Variants in MYO7A observed in about 807,000 individuals in gnomAD.
MYO7A encodes the protein unconventional myosin-VIIa.
In MYO7A, 210 loss-of-function variants were observed where a neutral mutation model predicts 263.8. That is an observed-to-expected ratio of 0.80 (90% CI 0.71 to 0.89). The LOEUF is 0.89. Ranked by LOEUF, MYO7A falls within the 40% of genes least tolerant of loss-of-function variation. MYO7A has a pLI of 0.00. For synonymous variants in MYO7A, 1,239 were observed against 1,197.3 expected, an observed-to-expected ratio of 1.03 and a Z score of -0.72; for missense variants, 2,820 against 2,968.3, an observed-to-expected ratio of 0.95 and a Z score of 1.16.
rs780580258 is a variant in MYO7A, at chr11:77,214,949, C to A, written c.*253C>A. 1 of 477,126 alleles carries A rather than the reference C, an allele frequency of 2.1e-6. No individual in the cohort carries two copies. Among genetic ancestry groups the A allele is most frequent in the Non-Finnish European group, 3.8e-6 (1 of 264,880 alleles). 29.6% of individuals were successfully genotyped at this position (477,126 alleles called of 1,614,324 possible). On this transcript the variant is annotated 3_prime_UTR_variant, in exon 49 of 49. Transcript: ENST00000409709. ...TAATCCTAGTTTGCTGTGGCCTTCC[C>A]GGTTGTGAGAGCCTGTGATCCTTAG...
intron 16 of MYO7A, among the ~76,000 whole-genome samples, chr11:77,173,490 G>A (rs185759123): frequency 7.2e-5 from 11 of 152,348 alleles, no homozygotes; most frequent in Admixed American, 2.0e-4. Flanking sequence ...CAAACAGCCC[G>A]TGAGAAAGGG....
Position 77,204,235 on chromosome 11 carries a change from C to T in MYO7A, c.5480+6C>T. 6.4e-7 allele frequency: 1 copy of T among 1,566,984 alleles called. No individual in the cohort carries two copies. Among genetic ancestry groups the T allele is most frequent in the Non-Finnish European group, 8.6e-7 (1 of 1,156,178 alleles). ...CTGACCGACAACCACATCAGGTGAG[C>T]CAGGCACAGTGGGCGGATGAGGGGC... On this transcript the variant is annotated splice_donor_region_variant and intron_variant, in intron 39 of 48. Transcript: ENST00000409709.
chr11:77,199,400 C>T (rs1158271514), intron 34 of MYO7A, 135 bp from the exon 35 acceptor site: 1 of 883,504 alleles, frequency 1.1e-6, no homozygotes, highest in Non-Finnish European at 1.6e-6. Context: ...TAGGCCGGGC[C>T]ACTGTGGGTC....
chr11:77,199,499 G>C, intron 34 of MYO7A, 36 bp from the exon 35 acceptor site: 1 of 1,457,560 alleles, frequency 6.9e-7, no homozygotes, highest in Non-Finnish European at 9.1e-7. Flanking sequence ...CACTGGTTGG[G>C]GCATGACTGA....
chr11:77,195,790 T>G (rs190419630), intron 32 of MYO7A, among the ~76,000 whole-genome samples: 2 of 152,264 alleles, frequency 1.3e-5, no homozygotes, highest in African/African-American at 2.4e-5. Context: ...TTGTTCATTT[T>G]CTAGGTCTGC....
Position 77,189,464 on chromosome 11 carries a change from T to G in MYO7A, c.3624T>G (p.Phe1208Leu). Residue 1208 changes from phenylalanine to leucine, a missense_variant, in exon 28 of 49, where the codon TTT (phenylalanine) becomes TTG (leucine). Physicochemically the swap from Phe to Leu is conservative, Grantham distance 22. Transcript: ENST00000409709. The stretch of plus-strand genomic sequence containing the variant: ...GCTGTTTCGCCCCCTCCGAGAAGTT[T>G]GTCAAGGTAGGAAGGTGCCTGGCCT... ...CVGCFAPSEK[F>L]VKYLRNFIHG... 6.2e-7 allele frequency: 1 copy of G among 1,613,558 alleles called. No individual in the cohort carries two copies. Among genetic ancestry groups the G allele is most frequent in the African/African-American group, 1.3e-5 (1 of 74,908 alleles).
chr11:77,155,658 G>A (rs1555060962), intron 4 of MYO7A, among the ~76,000 whole-genome samples: 1 of 152,206 alleles, frequency 6.6e-6, no homozygotes, highest in Non-Finnish European at 1.5e-5. Context: ...GGAAATCTAG[G>A]CTTAGAGACT....
chr11:77,177,194 G>A (rs1443920101), intron 18 of MYO7A, among the ~76,000 whole-genome samples: 5 of 152,216 alleles, frequency 3.3e-5, no homozygotes, highest in Non-Finnish European at 7.3e-5. Context: ...CAACAGCCCA[G>A]CCCAGGTGAG....
chr11:77,187,948 G>A (rs147963771), intron 27 of MYO7A, among the ~76,000 whole-genome samples: 10 of 152,324 alleles, frequency 6.6e-5, no homozygotes, highest in Admixed American at 3.9e-4. Flanking sequence ...CCTCACCGGG[G>A]TGGCCACACT....
chr11:77,142,457 T>C, intron 2 of MYO7A: 1 of 543,702 alleles, frequency 1.8e-6, no homozygotes, highest in Non-Finnish European at 3.5e-6. Flanking sequence ...TGGCTCTCTC[T>C]GAGCCTCTGC....
At chr11:77,144,361 C>G (rs1171498101) in intron 3 of MYO7A, among the ~76,000 whole-genome samples, 1 of 152,156 alleles carries the variant, frequency 6.6e-6, no homozygotes, top group Non-Finnish European at 1.5e-5. Flanking sequence ...ACCAGGGACT[C>G]TGTCTGCAGG....
In MYO7A at chr11:77,199,456, G is replaced by A. The variant is rs1000715979; in HGVS notation, c.4569-79G>A. The stretch of plus-strand genomic sequence containing the variant: ...CTCTGGCCAGGCCAGCTCTGACTTA[G>A]CCTGAGATGTGTCTGAGCTGGGCCA... On this transcript the variant is annotated intron_variant, in intron 34 of 48. Coordinates refer to ENST00000409709, the MANE Select transcript of MYO7A (RefSeq NM_000260.4). 1.9e-5 allele frequency: 27 copies of A among 1,394,596 alleles called. No homozygotes were observed. The African/African-American group carries it at 2.6e-4, about 14-fold the overall frequency. 86.4% of individuals were successfully genotyped at this position (1,394,596 alleles called of 1,614,324 possible). A position where few individuals can be genotyped will look rare whatever the true frequency, so the allele number is the denominator to read the frequency against.
intron 2 of MYO7A, among the ~76,000 whole-genome samples, chr11:77,134,660 A>T (rs1950859489): frequency 6.6e-6 from 1 of 151,954 alleles, no homozygotes; most frequent in Admixed American, 6.6e-5. Context: ...TTATCTATGT[A>T]AGTGCCCTTA....
intron 18 of MYO7A, among the ~76,000 whole-genome samples, chr11:77,177,239 G>A (rs879954243): frequency 6.6e-6 from 1 of 152,180 alleles, no homozygotes; most frequent in East Asian, 1.9e-4. Flanking sequence ...GAAGCAGGGG[G>A]CTTGGGCAGA....
chr11:77,135,801 A>G (rs868966951), intron 2 of MYO7A, among the ~76,000 whole-genome samples: 1 of 151,978 alleles, frequency 6.6e-6, no homozygotes, highest in Non-Finnish European at 1.5e-5. Context: ...GTGGTATCTC[A>G]TTGTGGTTTT....
chr11:77,172,966 A>C, intron 16 of MYO7A, 81 bp downstream of exon 16: 2 of 1,472,512 alleles, frequency 1.4e-6, no homozygotes, highest in South Asian at 1.4e-5. Context: ...GTAGGGTGGG[A>C]GTGAAGGATG....
chr11:77,204,950 C>T (rs1364675434), intron 39 of MYO7A, among the ~76,000 whole-genome samples: 1 of 152,206 alleles, frequency 6.6e-6, no homozygotes, highest in Non-Finnish European at 1.5e-5. Flanking sequence ...CAAATGCCAC[C>T]TCCTCCTAGA....
intron 42 of MYO7A, 42 bp downstream of exon 42, chr11:77,207,444 G>C: frequency 1.4e-6 from 2 of 1,417,634 alleles, no homozygotes; most frequent in Middle Eastern, 1.7e-4. Flanking sequence ...AGATTTGCTG[G>C]GGCCATAGGA....
At chr11:77,134,712 C>A (rs1950860842) in intron 2 of MYO7A, among the ~76,000 whole-genome samples, 1 of 149,762 alleles carries the variant, frequency 6.7e-6, no homozygotes, top group African/African-American at 2.5e-5. Context: ...GCATCACTGT[C>A]TACTGTACTC....
Sources: gnomAD v4.1 joint callset for allele counts (sites outside exome capture counted in the v4.1 genomes callset) on GRCh38, gnomAD v4.1.1 for gene constraint, MANE v1.5 for transcripts, NCBI Gene and HGNC (gene_info 2026-07-23, HGNC 2026-07-21) for gene names.